SPINK5: variants seen among roughly 807,000 people sequenced by gnomAD.
SPINK5 encodes the protein serine peptidase inhibitor Kazal type 5.
Under a neutral mutation model 151.8 loss-of-function variants are expected in SPINK5, and 125 were observed. The observed-to-expected ratio is 0.82, with a 90% CI of 0.71 to 0.96. SPINK5 has a LOEUF of 0.96. Among genes scored for constraint, SPINK5 ranks in the 40% least tolerant of loss-of-function variants. The probability of loss-of-function intolerance (pLI) is 0.00; values close to 1 mark genes in which losing one functional copy is unlikely to be tolerated. For synonymous variants in SPINK5, 374 were observed against 395.3 expected, an observed-to-expected ratio of 0.95 and a Z score of 0.64; for missense variants, 1,194 against 1,291.9, an observed-to-expected ratio of 0.92 and a Z score of 1.16.
chr5:148,121,167 A>AG (rs1754253555), intron 26 of SPINK5, among the ~76,000 whole-genome samples: 1 of 144,436 alleles, frequency 6.9e-6, no homozygotes, highest in Non-Finnish European at 1.5e-5. Context: ...AAAAAAAAAA[A>AG]GGAAAAGAAA....
rs41291439 is a variant in SPINK5 at position 148,134,087 on chromosome 5, T to C, written c.3186+200T>C. On this transcript the variant is annotated intron_variant, in intron 32 of 32. Coordinates refer to ENST00000256084, the MANE Select transcript of SPINK5 (RefSeq NM_006846.4). ...TAAGTGGAAATAATGTAGCAGTTAATATTTTAAAATATTTAATGGGTCCAT... is the reference window on the plus strand; with the variant it reads ...TAAGTGGAAATAATGTAGCAGTTAACATTTTAAAATATTTAATGGGTCCAT... 0.031 allele frequency: 20,008 copies of C among 650,648 alleles called. 400 individuals are homozygous for C. The highest frequency in any genetic ancestry group is 0.058 in the Middle Eastern group (193 of 3,308). 40.3% of individuals were successfully genotyped at this position (650,648 alleles called of 1,614,324 possible). A position where few individuals can be genotyped will look rare whatever the true frequency, so the allele number is the denominator to read the frequency against.
At chr5:148,119,920 G>C in intron 24 of SPINK5, 89 bp from the exon 25 acceptor site, 1 of 1,490,688 alleles carries the variant, frequency 6.7e-7, no homozygotes, top group Non-Finnish European at 9.3e-7. Context: ...ATGGCTGCCT[G>C]ACTCTTGGAA....
At chr5:148,085,902 CAT>C (rs1318566616) in intron 4 of SPINK5, among the ~76,000 whole-genome samples, 1 of 151,884 alleles carries the variant, frequency 6.6e-6, no homozygotes, top group Non-Finnish European at 1.5e-5. Flanking sequence ...CCATTTTGCA[CAT>C]GAGGACACTA....
chr5:148,096,706 TTTTC>T (rs916672711), intron 10 of SPINK5, among the ~76,000 whole-genome samples: 3 of 151,206 alleles, frequency 2.0e-5, no homozygotes, highest in African/African-American at 4.9e-5. Context: ...TATAACTCCA[TTTTC>T]TTTCTTTCTT....
At position 148,120,494 on chromosome 5, in the gene SPINK5, G is replaced by T. The variant is rs1236047378; in HGVS notation, c.2538+103G>T. 39 of 1,392,376 alleles carry T rather than the reference G, an allele frequency of 2.8e-5. 1 individual carries two copies. The Admixed American group carries it at 7.5e-4, about 27-fold the overall frequency. 86.3% of individuals were successfully genotyped at this position (1,392,376 alleles called of 1,614,324 possible). A position where few individuals can be genotyped will look rare whatever the true frequency, so the allele number is the denominator to read the frequency against. On this transcript the variant is annotated intron_variant, in intron 26 of 32. Coordinates refer to ENST00000256084, the MANE Select transcript of SPINK5 (RefSeq NM_006846.4). ...AAATGCTGACTCTGTCCCAATCATT[G>T]GTGATATAACGGTAAACAATGAAGT...
intron 11 of SPINK5, among the ~76,000 whole-genome samples, chr5:148,098,638 G>A (rs1028330967): frequency 1.3e-5 from 2 of 150,086 alleles, no homozygotes; most frequent in African/African-American, 4.9e-5. Context: ...AGGCTTATTT[G>A]TTTTATCAGT....
At chr5:148,127,320 T>G (rs1754456251) in intron 30 of SPINK5, among the ~76,000 whole-genome samples, 1 of 152,106 alleles carries the variant, frequency 6.6e-6, no homozygotes, top group South Asian at 2.1e-4. Flanking sequence ...TTTTGAAATT[T>G]ACAATGTGTG....
chr5:148,096,022 TAC>T lies in SPINK5; in HGVS notation c.882+118_882+119del, dbSNP rs1753450436. 7.7e-6 allele frequency: 6 copies of T among 783,820 alleles called. No individual in the cohort carries two copies. In the African/African-American group the frequency reaches 1.5e-4, roughly 20 times the overall value. 48.6% of individuals were successfully genotyped at this position (783,820 alleles called of 1,614,324 possible). ...CAATATTGTTTAATATTTTCCACAC[TAC>T]TAGTAGGTTTGCTGGAAACTAATTT... On this transcript the variant is annotated intron_variant, in intron 10 of 32. Coordinates refer to ENST00000256084, the MANE Select transcript of SPINK5 (RefSeq NM_006846.4).
intron 4 of SPINK5, among the ~76,000 whole-genome samples, chr5:148,084,603 T>G (rs960740288): frequency 6.6e-6 from 1 of 151,920 alleles, no homozygotes; most frequent in African/African-American, 2.4e-5. Flanking sequence ...TAGTAGTGAT[T>G]GTTTTGAGTT....
chr5:148,116,281 G>A (rs1235681326), intron 21 of SPINK5, 89 bp from the exon 22 acceptor site: 1 of 1,297,202 alleles, frequency 7.7e-7, no homozygotes, highest in Non-Finnish European at 1.1e-6. Flanking sequence ...CTGTACATAT[G>A]TGATTTGTTC....
At chr5:148,116,519 T>C (rs1355884013) in intron 22 of SPINK5, 53 bp downstream of exon 22, 4 of 1,535,566 alleles carry the variant, frequency 2.6e-6, no homozygotes, top group Non-Finnish European at 3.6e-6. Context: ...TCCTTGACAA[T>C]AGGACTGTGA....
rs376417849 is a variant in SPINK5 at position 148,070,341 on chromosome 5, C to A, written c.100C>A (p.Gln34Lys). ...ATCTTAGGAAATGTGCCATGAATTTCAGGCATTTATGAAAAATGGAAAACT... is the reference window on the plus strand; with the variant it reads ...ATCTTAGGAAATGTGCCATGAATTTAAGGCATTTATGAAAAATGGAAAACT... ...NEDQEMCHEF[Q>K]AFMKNGKLFC... Residue 34 changes from glutamine to lysine, a missense_variant, in exon 3 of 33, where the codon CAG becomes AAG. Gln to Lys is a moderately conservative substitution (Grantham distance 53, BLOSUM62 1). Coordinates refer to ENST00000256084, the MANE Select transcript of SPINK5 (RefSeq NM_006846.4). 1.4e-5 allele frequency: 23 copies of A among 1,612,310 alleles called. No individual in the cohort carries two copies. The African/African-American group carries it at 3.1e-4, about 22-fold the overall frequency.
At chr5:148,074,059 C>T (rs964125493) in intron 4 of SPINK5, among the ~76,000 whole-genome samples, 3 of 151,632 alleles carry the variant, frequency 2.0e-5, no homozygotes, top group Non-Finnish European at 2.9e-5. Flanking sequence ...TCCAATTATA[C>T]CATGTGTTTT....
At chr5:148,085,771 C>T (rs1451898581) in intron 4 of SPINK5, among the ~76,000 whole-genome samples, 2 of 151,982 alleles carry the variant, frequency 1.3e-5, no homozygotes, top group East Asian at 3.9e-4. Flanking sequence ...GTAGAGAAAA[C>T]ATTGAAAATA....
At chr5:148,122,504 G>A (rs958070018) in intron 26 of SPINK5, among the ~76,000 whole-genome samples, 1 of 152,114 alleles carries the variant, frequency 6.6e-6, no homozygotes. Flanking sequence ...GGGCTTACAG[G>A]AAGTTCCAGA....
intron 4 of SPINK5, among the ~76,000 whole-genome samples, chr5:148,075,771 G>A (rs934832242): frequency 2.0e-5 from 3 of 151,680 alleles, no homozygotes; most frequent in African/African-American, 7.3e-5. Flanking sequence ...TCTTGCTCAG[G>A]GATATTCCCA....
chr5:148,069,475 G>A (rs1182983828), intron 2 of SPINK5, among the ~76,000 whole-genome samples: 1 of 149,568 alleles, frequency 6.7e-6, no homozygotes, highest in Non-Finnish European at 1.5e-5. Flanking sequence ...ACCAGAGAGA[G>A]AGAGAAAGAG....
intron 21 of SPINK5, among the ~76,000 whole-genome samples, chr5:148,114,868 C>T (rs1012498133): frequency 4.6e-5 from 7 of 152,158 alleles, no homozygotes; most frequent in East Asian, 1.9e-4. Flanking sequence ...GAAAATAACA[C>T]ATTTTCAGAA....
chr5:148,070,900 G>T (rs1581050073), intron 3 of SPINK5, among the ~76,000 whole-genome samples: 1 of 152,148 alleles, frequency 6.6e-6, no homozygotes, highest in East Asian at 1.9e-4. Flanking sequence ...CTTAAGCAAG[G>T]TATACCCTGA....
Sources: allele counts gnomAD v4.1 joint callset (sites outside exome capture counted in the v4.1 genomes callset), GRCh38; gene constraint gnomAD v4.1.1; transcripts MANE v1.5; gene names NCBI Gene and HGNC (gene_info 2026-07-23, HGNC 2026-07-21).